The following SYNE2 variants were observed in gnomAD, a reference collection of about 807,000 sequenced individuals.
The protein encoded by SYNE2 is nesprin-2.
In SYNE2, 431 loss-of-function variants were observed where a neutral mutation model predicts 856.3. The ratio of observed to expected loss-of-function variants is 0.50; its 90% confidence interval spans 0.47 to 0.55. The LOEUF (loss-of-function observed/expected upper bound fraction) is 0.55, where lower values mean the gene tolerates loss of function less well. Among genes scored for constraint, SYNE2 ranks in the 20% least tolerant of loss-of-function variants. SYNE2 has a pLI of 0.00. For synonymous variants in SYNE2, 2,923 were observed against 2,872.3 expected (o/e 1.02, Z -0.56); for missense variants, 8,129 against 8,023.2 (o/e 1.01, Z -0.50).
intron 1 of SYNE2, among the ~76,000 whole-genome samples, chr14:63,903,196 C>G (rs1378405773): frequency 6.6e-6 from 1 of 152,150 alleles, no homozygotes; most frequent in South Asian, 2.1e-4. Context: ...TCCTCATGGC[C>G]TCTGTAGCAT....
Position 64,141,433 on chromosome 14 carries a change from A to G in SYNE2, c.15069A>G (p.Thr5023=). Reference sequence around the variant, plus strand: ...TTCTTCACCTGAAAGAAACTGATACAGCTACACTGAGAGCTTCTTTAGCAC... The same window carrying G: ...TTCTTCACCTGAAAGAAACTGATACGGCTACACTGAGAGCTTCTTTAGCAC... The part of the protein sequence containing the change: ...NQLLHLKETD[T]ATLRASLAQF... Residue 5023 remains threonine (T), a synonymous_variant, in exon 81 of 116, where the codon ACA becomes ACG. Coordinates refer to ENST00000555002, the MANE Select transcript of SYNE2 (RefSeq NM_182914.3). 1 of 1,614,118 alleles carries G rather than the reference A, an allele frequency of 6.2e-7. No homozygotes were observed. Among genetic ancestry groups the G allele is most frequent in the Non-Finnish European group, 8.5e-7 (1 of 1,179,974 alleles).
At chr14:63,870,379 G>A (rs888112773) in intron 1 of SYNE2, among the ~76,000 whole-genome samples, 3 of 139,424 alleles carry the variant, frequency 2.2e-5, no homozygotes, top group African/African-American at 8.2e-5. Flanking sequence ...TTGTACTTCA[G>A]TTGGCACTTC....
intron 79 of SYNE2, among the ~76,000 whole-genome samples, chr14:64,138,946 G>GCT (rs1465109787): frequency 7.3e-6 from 1 of 137,696 alleles, no homozygotes; most frequent in African/African-American, 2.8e-5. Flanking sequence ...GTGTATGTAT[G>GCT]GTGTGTGTGT....
intron 1 of SYNE2, among the ~76,000 whole-genome samples, chr14:63,778,469 C>T (rs1317185073): frequency 3.9e-5 from 6 of 152,022 alleles, no homozygotes; most frequent in Admixed American, 1.3e-4. Flanking sequence ...ATGTTGTACA[C>T]CATCAATATA....
chr14:63,999,075 T>C, intron 27 of SYNE2, 35 bp downstream of exon 27: 1 of 1,601,868 alleles, frequency 6.2e-7, no homozygotes, highest in African/African-American at 1.3e-5. Flanking sequence ...CTGATTATCT[T>C]GTTTATTAGA....
intron 1 of SYNE2, among the ~76,000 whole-genome samples, chr14:63,829,141 G>A (rs896298514): frequency 2.0e-5 from 3 of 152,078 alleles, no homozygotes; most frequent in African/African-American, 7.2e-5. Flanking sequence ...GGCCAGGCAT[G>A]GTAGCTCACA....
chr14:64,000,800 A>G, intron 28 of SYNE2, 81 bp downstream of exon 28: 1 of 1,247,252 alleles, frequency 8.0e-7, no homozygotes, highest in Non-Finnish European at 1.1e-6. Context: ...GATTCTTGCT[A>G]TACTAAGTAT....
chr14:64,001,066 A>G (rs2096750805), intron 28 of SYNE2, among the ~76,000 whole-genome samples: 1 of 152,184 alleles, frequency 6.6e-6, no homozygotes, highest in Admixed American at 6.5e-5. Flanking sequence ...TTCTGAAATG[A>G]GAGTGTTATT....
chr14:63,859,584 C>T (rs1466201356), intron 1 of SYNE2, among the ~76,000 whole-genome samples: 1 of 152,124 alleles, frequency 6.6e-6, no homozygotes, highest in Non-Finnish European at 1.5e-5. Context: ...TTTGGGAGGC[C>T]AAGGCAGGCG....
At chr14:64,055,658 C>T (rs994025524) in intron 48 of SYNE2, among the ~76,000 whole-genome samples, 17 of 152,016 alleles carry the variant, frequency 1.1e-4, no homozygotes, top group East Asian at 5.8e-4. Context: ...TGAGCCACCA[C>T]GCCGGGCCTG....
chr14:63,921,611 G>A (rs767867328), intron 2 of SYNE2, among the ~76,000 whole-genome samples: 2 of 152,170 alleles, frequency 1.3e-5, no homozygotes, highest in Non-Finnish European at 2.9e-5. Flanking sequence ...TATCCTATAA[G>A]TACCAAGAAG....
At chr14:64,177,314 T>A (rs746102609) in intron 95 of SYNE2, 44 bp from the exon 96 acceptor site, 1 of 1,612,722 alleles carries the variant, frequency 6.2e-7, no homozygotes, top group African/African-American at 1.3e-5. Context: ...CAATTCATTC[T>A]AAAGAGCAAA....
intron 6 of SYNE2, among the ~76,000 whole-genome samples, chr14:63,943,240 T>G (rs554023512): frequency 6.6e-6 from 1 of 152,338 alleles, no homozygotes; most frequent in African/African-American, 2.4e-5. Flanking sequence ...GAACACTTAC[T>G]GTATGCTAGC....
rs77356495 is a variant in SYNE2 at position 64,145,937 on chromosome 14, C to G, written c.15484-131C>G. On this transcript the variant is annotated intron_variant, in intron 83 of 115. Coordinates refer to ENST00000555002, the MANE Select transcript of SYNE2 (RefSeq NM_182914.3). ...TTTTGAATCTTTATTCAAAAGTTAT[C>G]AGAGCATCTTATTACATGAAATATT... is the stretch of plus-strand genomic sequence containing the variant. The G allele has an allele frequency of 6.0e-3, 3,526 of 584,648 alleles. 111 individuals carry two copies. In the African/African-American group the frequency reaches 0.062, roughly 10 times the overall value. 36.2% of individuals were successfully genotyped at this position (584,648 alleles called of 1,614,324 possible). A position where few individuals can be genotyped will look rare whatever the true frequency, so the allele number is the denominator to read the frequency against.
intron 71 of SYNE2, among the ~76,000 whole-genome samples, chr14:64,125,638 T>G (rs2097937501): frequency 6.6e-6 from 1 of 152,192 alleles, no homozygotes; most frequent in Non-Finnish European, 1.5e-5. Flanking sequence ...TGACTAGCTA[T>G]GGCATGCTCC....
chr14:64,047,130 T>C (rs1261714602), intron 45 of SYNE2, among the ~76,000 whole-genome samples: 1 of 152,018 alleles, frequency 6.6e-6, no homozygotes, highest in Non-Finnish European at 1.5e-5. Flanking sequence ...GATTGAAAGA[T>C]GGTGAAGGCA....
intron 76 of SYNE2, among the ~76,000 whole-genome samples, chr14:64,130,939 G>A (rs994446167): frequency 6.6e-6 from 1 of 150,594 alleles, no homozygotes; most frequent in Admixed American, 6.6e-5. Context: ...CAAAAGGAAA[G>A]TGTGTTATTA....
intron 108 of SYNE2, 59 bp downstream of exon 108, chr14:64,216,446 AAG>A (rs1195758949): frequency 2.0e-5 from 32 of 1,586,484 alleles, no homozygotes; most frequent in Non-Finnish European, 2.5e-5. Context: ...TTACATTTGC[AAG>A]AGAGAGAGAT....
intron 43 of SYNE2, 67 bp downstream of exon 43, chr14:64,027,860 G>A: frequency 8.5e-7 from 1 of 1,180,304 alleles, no homozygotes; most frequent in African/African-American, 1.5e-5. Context: ...AGACATATGT[G>A]GAACTATCTG....
Sources: gnomAD v4.1 joint callset for allele counts (sites outside exome capture counted in the v4.1 genomes callset) on GRCh38, gnomAD v4.1.1 for gene constraint, MANE v1.5 for transcripts, NCBI Gene and HGNC (gene_info 2026-07-23, HGNC 2026-07-21) for gene names.